The following TBCK variants were observed in gnomAD, a reference collection of about 807,000 sequenced individuals.
TBCK encodes the protein TBC1 domain containing kinase, also known as TBC domain-containing protein kinase-like protein.
In TBCK, 99 loss-of-function variants were observed where a neutral mutation model predicts 113.4. The observed-to-expected ratio is 0.87, with a 90% confidence interval of 0.74 to 1.03. The LOEUF (loss-of-function observed/expected upper bound fraction) is 1.03. TBCK is among the 50% of genes least tolerant of loss of function. The pLI is 0.00. For missense variants in TBCK, 1,045 were observed against 1,061.3 expected (o/e 0.98, Z 0.21); for synonymous variants, 369 against 370.8 (o/e 1.00, Z 0.05).
intron 3 of TBCK, among the ~76,000 whole-genome samples, chr4:106,265,206 A>G (rs1258269455): frequency 6.6e-6 from 1 of 151,508 alleles, no homozygotes; most frequent in Non-Finnish European, 1.5e-5. Flanking sequence ...CTAAGTTGGA[A>G]CTCTTAGTAG....
intron 3 of TBCK, among the ~76,000 whole-genome samples, chr4:106,283,607 T>G (rs1764830129): frequency 6.6e-6 from 1 of 152,092 alleles, no homozygotes; most frequent in African/African-American, 2.4e-5. Context: ...TAGGAATAAT[T>G]AAAACTAATT....
intron 3 of TBCK, 29 bp downstream of exon 3, chr4:106,295,065 C>A: frequency 1.3e-6 from 2 of 1,538,760 alleles, no homozygotes; most frequent in South Asian, 1.3e-5. Context: ...TTCTGCTTTT[C>A]ATTTAATTGT....
intron 20 of TBCK, among the ~76,000 whole-genome samples, chr4:106,205,507 G>A (rs1755370413): frequency 6.7e-6 from 1 of 148,616 alleles, no homozygotes; most frequent in African/African-American, 2.5e-5. Context: ...ACTTTGGGAG[G>A]CCAAGGCAGG....
chr4:106,253,849 T>C (rs1761690673), intron 5 of TBCK, among the ~76,000 whole-genome samples: 1 of 152,178 alleles, frequency 6.6e-6, no homozygotes, highest in South Asian at 2.1e-4. Context: ...CTTACAAGAC[T>C]TAGCAAATAA....
intron 10 of TBCK, among the ~76,000 whole-genome samples, chr4:106,245,517 T>C (rs1760698113): frequency 6.6e-6 from 1 of 152,130 alleles, no homozygotes; most frequent in African/African-American, 2.4e-5. Flanking sequence ...AATCTTTAAG[T>C]GAGCCAGTCA....
chr4:106,304,591 T>C (rs1767306504), intron 2 of TBCK, among the ~76,000 whole-genome samples: 1 of 152,224 alleles, frequency 6.6e-6, no homozygotes. Flanking sequence ...ACCAAATTTA[T>C]AGTCCAACTA....
intron 25 of TBCK, among the ~76,000 whole-genome samples, chr4:106,094,115 C>T (rs1306587659): frequency 1.3e-5 from 2 of 152,144 alleles, no homozygotes; most frequent in African/African-American, 2.4e-5. Context: ...AATCAATAGC[C>T]TAGTTCCTTA....
At chr4:106,071,569 A>C (rs1737454707) in intron 25 of TBCK, among the ~76,000 whole-genome samples, 1 of 152,190 alleles carries the variant, frequency 6.6e-6, no homozygotes, top group African/African-American at 2.4e-5. Flanking sequence ...AAGAATGTAT[A>C]TTCTGTTGAT....
intron 25 of TBCK, among the ~76,000 whole-genome samples, chr4:106,059,292 T>C (rs60223553): frequency 0.014 from 2,087 of 151,862 alleles, 56 homozygotes; most frequent in African/African-American, 0.047. Context: ...TTTGCTATAG[T>C]GCATGTCACA....
chr4:106,086,536 T>C (rs967277945), intron 25 of TBCK, among the ~76,000 whole-genome samples: 12 of 152,226 alleles, frequency 7.9e-5, no homozygotes, highest in African/African-American at 2.9e-4. Flanking sequence ...CTTCTGAAAC[T>C]ATTCCAGACA....
chr4:106,228,030 A>G (rs1241283676), intron 19 of TBCK, among the ~76,000 whole-genome samples: 3 of 152,010 alleles, frequency 2.0e-5, no homozygotes, highest in African/African-American at 7.2e-5. Flanking sequence ...AACTTAAATA[A>G]TAAGTAGTGA....
chr4:106,121,297 A>G lies in TBCK; in HGVS notation c.2236-4919T>C, dbSNP rs1225116929. On this transcript the variant is annotated intron_variant, in intron 23 of 25. Coordinates refer to ENST00000394708, the MANE Select transcript of TBCK (RefSeq NM_001163435.3). Reference sequence around the variant, plus strand: ...AAAGAAGGCCATTACATAATGGTAAAGGGATCAATTCAACAAGAAGAGCTA... The same window carrying G: ...AAAGAAGGCCATTACATAATGGTAAGGGGATCAATTCAACAAGAAGAGCTA... 4.0e-5 allele frequency among the ~76,000 whole-genome samples: 6 copies of G among 151,184 alleles called. No individual in the cohort carries two copies. The East Asian group carries it at 1.2e-3, about 29-fold the overall frequency.
chr4:106,305,157 T>C (rs947862925), intron 2 of TBCK, among the ~76,000 whole-genome samples: 1 of 152,178 alleles, frequency 6.6e-6, no homozygotes, highest in Non-Finnish European at 1.5e-5. Context: ...TTTCCTTTTT[T>C]ACATCTTCAC....
Position 106,236,464 on chromosome 4 carries a change from G to A in TBCK, c.1276C>T (p.Leu426Phe). 1.3e-6 allele frequency: 2 copies of A among 1,581,468 alleles called. No homozygotes were observed. Among genetic ancestry groups the A allele is most frequent in the Non-Finnish European group, 8.6e-7 (1 of 1,162,666 alleles). The change falls in exon 14 of 26, where the codon CTC becomes TTC. Residue 426 changes from leucine to phenylalanine, a missense_variant. Transcript: ENST00000394708. Reference protein sequence around the residue: ...SNNELSAAATLPLIIREKDTE... With the variant: ...SNNELSAAATFPLIIREKDTE... ...TCCTTCTCTCTGATGATTAAAGGGAGCGTGGCAGCTGCAGACAACTCATTA... is the reference window on the plus strand; with the variant it reads ...TCCTTCTCTCTGATGATTAAAGGGAACGTGGCAGCTGCAGACAACTCATTA...
intron 23 of TBCK, among the ~76,000 whole-genome samples, chr4:106,127,233 T>TTA (rs1186140351): frequency 1.4e-5 from 2 of 140,804 alleles, no homozygotes; most frequent in Non-Finnish European, 3.1e-5. Context: ...AAAAAAGAAG[T>TTA]TAGGTGAATA....
At chr4:106,254,325 A>G (rs952697449) in intron 5 of TBCK, among the ~76,000 whole-genome samples, 3 of 152,218 alleles carry the variant, frequency 2.0e-5, no homozygotes, top group African/African-American at 7.2e-5. Context: ...CCCAAGTTTC[A>G]AGGCAACAGC....
At chr4:106,258,523 AG>A (rs1277922302) in intron 5 of TBCK, among the ~76,000 whole-genome samples, 1 of 152,068 alleles carries the variant, frequency 6.6e-6, no homozygotes, top group African/African-American at 2.4e-5. Flanking sequence ...CTTCAAAGCA[AG>A]CCAGACCAAA....
intron 23 of TBCK, among the ~76,000 whole-genome samples, chr4:106,148,432 C>A (rs910339125): frequency 1.3e-5 from 2 of 152,298 alleles, no homozygotes; most frequent in Non-Finnish European, 2.9e-5. Flanking sequence ...TTTCTCAAAC[C>A]AGCTGACGCT....
rs1396185239 is a variant in TBCK at position 106,158,792 on chromosome 4, G to A, written c.2235+12303C>T. Among the ~76,000 whole-genome samples the A allele has an allele frequency of 2.6e-5, 4 of 152,020 alleles. No individual in the cohort carries two copies. The East Asian group carries it at 7.7e-4, about 29-fold the overall frequency. On this transcript the variant is annotated intron_variant, in intron 23 of 25. Coordinates refer to ENST00000394708, the MANE Select transcript of TBCK (RefSeq NM_001163435.3). ...AGGGTGGAATACTTCCTAACTCATT[G>A]TGTAAGCCCAGCATTACCCTGATTC...
Sources: allele counts gnomAD v4.1 joint callset (sites outside exome capture counted in the v4.1 genomes callset), GRCh38; gene constraint gnomAD v4.1.1; transcripts MANE v1.5; gene names NCBI Gene and HGNC (gene_info 2026-07-23, HGNC 2026-07-21).